PPRC1: variants seen among roughly 807,000 people sequenced by gnomAD.
PPRC1 encodes the protein PPARG related coactivator 1.
PPRC1 carries 23 observed loss-of-function variants against 132.5 expected under a neutral mutation model. The ratio of observed to expected loss-of-function variants is 0.17; its 90% CI spans 0.12 to 0.25. PPRC1 has a LOEUF of 0.25. Ranked by LOEUF, PPRC1 falls within the 10% of genes least tolerant of loss-of-function variation. The pLI is 1.00. For synonymous variants in PPRC1, 872 were observed against 833.5 expected (o/e 1.05, Z -0.80); for missense variants, 2,006 against 2,089.1 (o/e 0.96, Z 0.78).
chr10:102,122,506 AGGGG>A, the PPRC1 span, among the ~76,000 whole-genome samples: 5 of 128,894 alleles, frequency 3.9e-5, no homozygotes, highest in African/African-American at 1.5e-4. Context: ...CCAAGAGAGG[AGGGG>A]GCTGGATTGG....
rs2068818971 is a variant in PPRC1, at chr10:102,138,775, G to A, written c.489+10G>A. On this transcript the variant is annotated intron_variant, in intron 3 of 13. Transcript: ENST00000278070. The stretch of plus-strand genomic sequence containing the variant: ...CCGGGAGGGCTCCTCTGTGAGTGTG[G>A]GACCAGGGGAAGGGGATTAGTACAA... The A allele has an allele frequency of 6.2e-7, 1 of 1,614,098 alleles. No individual in the cohort carries two copies. The highest frequency in any genetic ancestry group is 8.5e-7 in the Non-Finnish European group (1 of 1,179,984).
chr10:102,147,543 G>T, intron 9 of PPRC1, 151 bp downstream of exon 9: 1 of 1,180,926 alleles, frequency 8.5e-7, no homozygotes, highest in African/African-American at 1.5e-5. Context: ...CCCTTTTCCT[G>T]GATTGTTGAA....
chr10:102,136,312 G>A (rs961596838), intron 1 of PPRC1, among the ~76,000 whole-genome samples: 3 of 152,092 alleles, frequency 2.0e-5, no homozygotes, highest in Admixed American at 6.6e-5. Flanking sequence ...ATATATTGCC[G>A]GGGTGTGGGG....
In PPRC1 at chr10:102,140,939, C is replaced by T; in HGVS notation, c.2431C>T (p.Pro811Ser). The T allele has an allele frequency of 1.9e-6, 3 of 1,613,948 alleles. No homozygotes were observed. The highest frequency in any genetic ancestry group is 2.7e-5 in the African/African-American group (2 of 75,036). The change falls in exon 5 of 14, where the codon CCT (proline) becomes TCT (serine). Residue 811 changes from proline to serine, a missense_variant. Transcript: ENST00000278070. ...CAAGAAGACAGCTCTGCAGAGAAGC[C>T]CTGAAACACCCCTTGAGATTTGCCT... ...PAKKTALQRS[P>S]ETPLEICLVP...
chr10:102,144,108 A>G (rs2069116330), intron 6 of PPRC1, 142 bp from the exon 7 acceptor site: 1 of 776,878 alleles, frequency 1.3e-6, no homozygotes. Context: ...ACTGGAGGAG[A>G]CTAGATCTCT....
chr10:102,126,710 C>T, the PPRC1 span, among the ~76,000 whole-genome samples: 17 of 151,882 alleles, frequency 1.1e-4, no homozygotes, highest in South Asian at 1.0e-3. Flanking sequence ...CCGCCTGCCT[C>T]GGCCTCCCAA....
At chr10:102,146,138 C>T (rs932296164) in intron 8 of PPRC1, among the ~76,000 whole-genome samples, 2 of 152,098 alleles carry the variant, frequency 1.3e-5, no homozygotes, top group East Asian at 1.9e-4. Flanking sequence ...AGAGGTAAAG[C>T]GAGAGATAAA....
chr10:102,120,307 C>A, the PPRC1 span: 1 of 984,270 alleles, frequency 1.0e-6, no homozygotes, highest in Non-Finnish European at 1.2e-6. Context: ...AGGAAGGAAG[C>A]CAGGCAGGAA....
At chr10:102,143,012 T>G in intron 5 of PPRC1, 33 bp from the exon 6 acceptor site, 6 of 1,588,372 alleles carry the variant, frequency 3.8e-6, no homozygotes, top group Non-Finnish European at 5.2e-6. Flanking sequence ...TGATAGGGGC[T>G]CGTTTTCAAT....
In PPRC1 at chr10:102,146,768, A is replaced by G. The variant is rs2133712487; in HGVS notation, c.3776A>G (p.Gln1259Arg). The G allele has an allele frequency of 2.5e-6, 4 of 1,613,978 alleles. No individual in the cohort carries two copies. In the South Asian group the frequency reaches 3.3e-5, roughly 13 times the overall value. ...AKAKSPKSTA[Q>R]EGTLKPEGVT... is the part of the protein sequence containing the mutation. Reference sequence around the variant, plus strand: ...GCCAAATCTCCTAAGTCCACCGCCCAGGAGGGAACCCTGAAGCCTGAAGGA... The same window carrying G: ...GCCAAATCTCCTAAGTCCACCGCCCGGGAGGGAACCCTGAAGCCTGAAGGA... The change falls in exon 9 of 14, where the codon CAG (glutamine) becomes CGG (arginine). Residue 1259 changes from glutamine to arginine, a missense_variant. Around this residue, in one of 2 missense-constraint regions of PPRC1, gnomAD observed 1,914 missense variants for 1,917.2 expected, o/e 1.00. Coordinates refer to ENST00000278070, the MANE Select transcript of PPRC1 (RefSeq NM_015062.5).
At chr10:102,124,623 G>A in the PPRC1 span, among the ~76,000 whole-genome samples, 1 of 149,844 alleles carries the variant, frequency 6.7e-6, no homozygotes, top group Non-Finnish European at 1.5e-5. Flanking sequence ...TTACAGGCGT[G>A]AGCCACTGTG....
chr10:102,147,643 CTT>C (rs1382572271), intron 9 of PPRC1, among the ~76,000 whole-genome samples: 2 of 152,058 alleles, frequency 1.3e-5, no homozygotes, highest in Non-Finnish European at 2.9e-5. Flanking sequence ...CTTGGGGAGA[CTT>C]TTAGGGTTTG....
the PPRC1 span, among the ~76,000 whole-genome samples, chr10:102,125,003 G>A: frequency 7.9e-5 from 12 of 151,976 alleles, no homozygotes; most frequent in Admixed American, 2.6e-4. Context: ...GGCTGGACTC[G>A]GACTCCTGGG....
Position 102,150,091 on chromosome 10 carries a change from T to G in PPRC1, c.*62T>G. 1 of 1,255,916 alleles carries G rather than the reference T, an allele frequency of 8.0e-7. No homozygotes were observed. Among genetic ancestry groups the G allele is most frequent in the Non-Finnish European group, 1.2e-6 (1 of 855,608 alleles). The allele number at this position is 1,255,916 out of a possible 1,614,324, so 77.8% of individuals were successfully genotyped here. A position where few individuals can be genotyped will look rare whatever the true frequency, so the allele number is the denominator to read the frequency against. ...GAGGTGCCCAACCTCCTCCACCCCCTTCCCCTACTCTAGGGGAGAGAGCTG... is the reference window on the plus strand; with the variant it reads ...GAGGTGCCCAACCTCCTCCACCCCCGTCCCCTACTCTAGGGGAGAGAGCTG... On this transcript the variant is annotated 3_prime_UTR_variant, in exon 14 of 14. Transcript: ENST00000278070.
intron 6 of PPRC1, 102 bp downstream of exon 6, chr10:102,143,200 A>G: frequency 9.5e-7 from 1 of 1,056,480 alleles, no homozygotes; most frequent in Non-Finnish European, 1.4e-6. Context: ...GGACAGCCTT[A>G]GCCACTGGAG....
Position 102,142,018 on chromosome 10 carries a change from A to G in PPRC1, c.3496+14A>G. Reference sequence around the variant, plus strand: ...TCAGTGAGATTGGTGAGTGACACACAGTTCCCCCATGTAGTCCCCAAGTTG... The same window carrying G: ...TCAGTGAGATTGGTGAGTGACACACGGTTCCCCCATGTAGTCCCCAAGTTG... On this transcript the variant is annotated intron_variant, in intron 5 of 13. Coordinates refer to ENST00000278070, the MANE Select transcript of PPRC1 (RefSeq NM_015062.5). The G allele has an allele frequency of 6.3e-7, 1 of 1,592,328 alleles. No individual in the cohort carries two copies. The highest frequency in any genetic ancestry group is 8.6e-7 in the Non-Finnish European group (1 of 1,166,906).
At chr10:102,120,386 TGCGCGTGTGC>T in the PPRC1 span, 1 of 983,676 alleles carries the variant, frequency 1.0e-6, no homozygotes, top group African/African-American at 1.8e-5. Flanking sequence ...TGTGCGTGTG[TGCGCGTGTGC>T]GTGTGCGTGT....
In PPRC1 at chr10:102,150,051, C is replaced by T. The variant is rs1209052086; in HGVS notation, c.*22C>T. 1 of 1,572,678 alleles carries T rather than the reference C, an allele frequency of 6.4e-7. No individual in the cohort carries two copies. ...GTAACCTTGGGCCCTTCCCTGCTAT[C>T]CTTTTTCTCCTTTGGAGGTGCCCAA... is the stretch of plus-strand genomic sequence containing the variant. On this transcript the variant is annotated 3_prime_UTR_variant, in exon 14 of 14. Transcript: ENST00000278070.
intron 2 of PPRC1, 55 bp downstream of exon 2, chr10:102,138,093 C>G: frequency 6.4e-7 from 1 of 1,552,332 alleles, no homozygotes; most frequent in South Asian, 1.2e-5. Flanking sequence ...ATGGGAGGTT[C>G]TAGCTCAAAT....
Sources: gnomAD v4.1 joint callset for allele counts (sites outside exome capture counted in the v4.1 genomes callset) on GRCh38, gnomAD v4.1.1 for gene constraint, gnomAD v4.1.1 regional missense constraint, MANE v1.5 for transcripts, NCBI Gene and HGNC (gene_info 2026-07-23, HGNC 2026-07-21) for gene names.